TMTC1: variants seen among roughly 807,000 people sequenced by gnomAD.
TMTC1 encodes the protein protein O-mannosyl-transferase TMTC1.
TMTC1 carries 73 observed loss-of-function variants against 104.8 expected under a neutral mutation model. The ratio of observed to expected loss-of-function variants is 0.70; its 90% CI spans 0.58 to 0.85. The LOEUF is 0.85. Among genes scored for constraint, TMTC1 ranks in the 40% least tolerant of loss-of-function variants. The pLI, the probability that TMTC1 is intolerant of heterozygous loss-of-function variation, is 0.00. For missense variants in TMTC1, 1,035 were observed against 1,096.1 expected (o/e 0.94, Z 0.79); for synonymous variants, 434 against 428.7 (o/e 1.01, Z -0.15).
intron 6 of TMTC1, 80 bp downstream of exon 6, chr12:29,633,067 C>G: frequency 7.6e-7 from 1 of 1,317,128 alleles, no homozygotes; most frequent in South Asian, 1.6e-5. Flanking sequence ...ACACCCAGAC[C>G]ATCCGCACTA....
At chr12:29,609,226 G>A (rs1946780696) in intron 6 of TMTC1, among the ~76,000 whole-genome samples, 1 of 152,106 alleles carries the variant, frequency 6.6e-6, no homozygotes, top group Admixed American at 6.5e-5. Context: ...TCAATCCTAA[G>A]GATTTATTTG....
In TMTC1 at chr12:29,506,005, T is replaced by A. The variant is rs534876131; in HGVS notation, c.*841A>T. ...CTCTTAGTTAATATCTTTAATTTTTTATGTAGAATATACTATTTTTTTCTC... is the reference window on the plus strand; with the variant it reads ...CTCTTAGTTAATATCTTTAATTTTTAATGTAGAATATACTATTTTTTTCTC... On this transcript the variant is annotated 3_prime_UTR_variant, in exon 18 of 18. Coordinates refer to ENST00000539277, the MANE Select transcript of TMTC1 (RefSeq NM_001193451.2). 1.4e-4 allele frequency: 22 copies of A among 152,272 alleles called. No homozygotes were observed. In the South Asian group the frequency reaches 4.3e-3, roughly 30 times the overall value. 9.4% of individuals were successfully genotyped at this position (152,272 alleles called of 1,614,324 possible). A position where few individuals can be genotyped will look rare whatever the true frequency, so the allele number is the denominator to read the frequency against.
At chr12:29,601,836 CTCT>C (rs1779809919) in intron 7 of TMTC1, among the ~76,000 whole-genome samples, 2 of 149,736 alleles carry the variant, frequency 1.3e-5, no homozygotes, top group Admixed American at 6.6e-5. Context: ...ATATAATCAT[CTCT>C]TTTTTTTTTT....
intron 7 of TMTC1, among the ~76,000 whole-genome samples, chr12:29,599,935 T>C (rs1946510971): frequency 6.7e-6 from 1 of 149,206 alleles, no homozygotes; most frequent in Non-Finnish European, 1.5e-5. Flanking sequence ...TATGTGTATA[T>C]ATATGTGTGT....
intron 5 of TMTC1, among the ~76,000 whole-genome samples, chr12:29,726,977 T>G (rs1446879295): frequency 6.6e-6 from 1 of 152,246 alleles, no homozygotes; most frequent in Non-Finnish European, 1.5e-5. Context: ...TCTTCCAGGA[T>G]GCACTGCTGA....
At chr12:29,681,223 T>C (rs917477686) in intron 5 of TMTC1, among the ~76,000 whole-genome samples, 4 of 151,818 alleles carry the variant, frequency 2.6e-5, no homozygotes, top group African/African-American at 4.8e-5. Context: ...TATTTGAACA[T>C]TAGTAAGAAT....
At chr12:29,716,417 C>T (rs989695192) in intron 5 of TMTC1, among the ~76,000 whole-genome samples, 1 of 152,072 alleles carries the variant, frequency 6.6e-6, no homozygotes. Flanking sequence ...TTTACTCAGG[C>T]TCCAGAGTAT....
intron 11 of TMTC1, among the ~76,000 whole-genome samples, chr12:29,527,060 A>T (rs1944368777): frequency 6.6e-6 from 1 of 152,258 alleles, no homozygotes; most frequent in Non-Finnish European, 1.5e-5. Flanking sequence ...GAGGTCAAAA[A>T]GACTTCATTT....
At chr12:29,665,419 C>T (rs1019400657) in intron 5 of TMTC1, among the ~76,000 whole-genome samples, 1 of 152,178 alleles carries the variant, frequency 6.6e-6, no homozygotes, top group Non-Finnish European at 1.5e-5. Flanking sequence ...TGACTACTCA[C>T]ATCCACCATC....
chr12:29,534,022 G>A (rs920265664), intron 11 of TMTC1: 3 of 152,306 alleles, frequency 2.0e-5, no homozygotes, highest in South Asian at 4.1e-4. Context: ...CTTGACTAAG[G>A]GGATGGCTTC....
At chr12:29,775,999 A>G (rs181479200) in intron 1 of TMTC1, among the ~76,000 whole-genome samples, 1 of 152,330 alleles carries the variant, frequency 6.6e-6, no homozygotes, top group East Asian at 1.9e-4. Context: ...CACGAAGACC[A>G]GAAAAAAATC....
chr12:29,511,825 CA>C (rs1565633969), intron 17 of TMTC1, among the ~76,000 whole-genome samples: 4 of 152,230 alleles, frequency 2.6e-5, no homozygotes, highest in Non-Finnish European at 4.4e-5. Context: ...CTAATTTATA[CA>C]GATTTATTTT....
At chr12:29,617,040 CTA>C (rs757858296) in intron 6 of TMTC1, among the ~76,000 whole-genome samples, 7 of 152,072 alleles carry the variant, frequency 4.6e-5, no homozygotes, top group East Asian at 1.9e-4. Flanking sequence ...CTGTTTACCA[CTA>C]TGTTTTTCCT....
At chr12:29,654,233 G>A (rs1032747710) in intron 5 of TMTC1, among the ~76,000 whole-genome samples, 5 of 152,106 alleles carry the variant, frequency 3.3e-5, no homozygotes, top group Admixed American at 2.0e-4. Context: ...TAAGAAAAAT[G>A]TTACAACTTG....
intron 3 of TMTC1, among the ~76,000 whole-genome samples, chr12:29,758,345 T>G (rs1033354558): frequency 6.6e-6 from 1 of 152,070 alleles, no homozygotes; most frequent in African/African-American, 2.4e-5. Flanking sequence ...AAAGGAAAAA[T>G]TAAGCAAATT....
At chr12:29,655,972 C>T (rs1312215418) in intron 5 of TMTC1, among the ~76,000 whole-genome samples, 1 of 152,070 alleles carries the variant, frequency 6.6e-6, no homozygotes, top group African/African-American at 2.4e-5. Context: ...CGCAAAGTTC[C>T]TAAATTCAGT....
At chr12:29,699,648 GCT>G (rs531581981) in intron 5 of TMTC1, among the ~76,000 whole-genome samples, 30 of 128,516 alleles carry the variant, frequency 2.3e-4, no homozygotes, top group African/African-American at 8.4e-4. Context: ...TTCATCTGGT[GCT>G]TTTTTTTTTT....
At chr12:29,516,093 A>T (rs144738675) in intron 15 of TMTC1, among the ~76,000 whole-genome samples, 1 of 152,268 alleles carries the variant, frequency 6.6e-6, no homozygotes, top group East Asian at 1.9e-4. Flanking sequence ...TGATCTTTAT[A>T]GACTTAGCTG....
intron 6 of TMTC1, among the ~76,000 whole-genome samples, chr12:29,620,397 G>A (rs1947099924): frequency 6.6e-6 from 1 of 152,212 alleles, no homozygotes; most frequent in African/African-American, 2.4e-5. Flanking sequence ...GCATGCAGGA[G>A]CTACCCCCAA....
Sources: allele counts gnomAD v4.1 joint callset (sites outside exome capture counted in the v4.1 genomes callset), GRCh38; gene constraint gnomAD v4.1.1; transcripts MANE v1.5; gene names NCBI Gene and HGNC (gene_info 2026-07-23, HGNC 2026-07-21).